The following PEX5L variants were observed in gnomAD, a reference collection of about 807,000 sequenced individuals.
PEX5L encodes peroxisomal biogenesis factor 5 like.
PEX5L carries 30 observed loss-of-function variants against 84.0 expected under a neutral mutation model. That is an observed-to-expected ratio of 0.36 (90% CI 0.27 to 0.48). The LOEUF (loss-of-function observed/expected upper bound fraction) is 0.48. PEX5L is among the 20% of genes least tolerant of loss of function. The pLI, the probability that PEX5L is intolerant of heterozygous loss-of-function variation, is 0.99. For synonymous variants in PEX5L, 270 were observed against 283.1 expected, an observed-to-expected ratio of 0.95 and a Z score of 0.46; for missense variants, 533 against 754.6, an observed-to-expected ratio of 0.71 and a Z score of 3.44.
At position 180,036,740 on chromosome 3, in the gene PEX5L, T is replaced by A; in HGVS notation, c.-141A>T. 1 of 868,522 alleles carries A rather than the reference T, an allele frequency of 1.2e-6. No individual in the cohort carries two copies. The highest frequency in any genetic ancestry group is 1.9e-6 in the Non-Finnish European group (1 of 522,116). The allele number at this position is 868,522 out of a possible 1,614,324, so 53.8% of individuals were successfully genotyped here. The stretch of plus-strand genomic sequence containing the variant: ...CTGAGCCCCCTGGAGCTCCGGGTAC[T>A]CGGCCGGCCGGCGGCCACTCGGCAG... On this transcript the variant is annotated 5_prime_UTR_variant, in exon 1 of 15. Transcript: ENST00000467460.
chr3:179,880,864 C>T (rs1405672758), intron 4 of PEX5L: 1 of 152,192 alleles, frequency 6.6e-6, no homozygotes, highest in Non-Finnish European at 1.5e-5. Context: ...GTTTTATAAC[C>T]TTAGCTTCTT....
intron 5 of PEX5L, among the ~76,000 whole-genome samples, chr3:179,876,710 A>G (rs972433968): frequency 6.6e-6 from 1 of 152,126 alleles, no homozygotes; most frequent in Non-Finnish European, 1.5e-5. Context: ...AACTCTACTC[A>G]TTAAACACGA....
chr3:179,908,446 C>G (rs1000865272), intron 2 of PEX5L, among the ~76,000 whole-genome samples: 2 of 152,138 alleles, frequency 1.3e-5, no homozygotes, highest in Non-Finnish European at 2.9e-5. Context: ...ACTCTTCTCT[C>G]TAAACTTCTG....
chr3:179,861,084 T>C (rs528749279), intron 7 of PEX5L, among the ~76,000 whole-genome samples: 7 of 152,372 alleles, frequency 4.6e-5, no homozygotes, highest in Admixed American at 2.6e-4. Context: ...TTTGCTTTAA[T>C]AAATGTGGAA....
chr3:179,961,682 T>C (rs1782079216), intron 2 of PEX5L, among the ~76,000 whole-genome samples: 1 of 152,232 alleles, frequency 6.6e-6, no homozygotes, highest in Admixed American at 6.5e-5. Context: ...TTTGTCATTT[T>C]TATTATAAGT....
chr3:179,900,476 T>C (rs1357364314), intron 2 of PEX5L, among the ~76,000 whole-genome samples: 3 of 152,118 alleles, frequency 2.0e-5, no homozygotes, highest in Non-Finnish European at 2.9e-5. Flanking sequence ...ATAAACTACA[T>C]AGAGATACTT....
At chr3:179,969,648 T>A (rs182246094) in intron 2 of PEX5L, among the ~76,000 whole-genome samples, 17 of 152,238 alleles carry the variant, frequency 1.1e-4, no homozygotes, top group Non-Finnish European at 2.1e-4. Context: ...GAAGGACTAC[T>A]CTTTCTGCCA....
chr3:179,996,614 A>C (rs1331513623), intron 1 of PEX5L, among the ~76,000 whole-genome samples: 1 of 152,156 alleles, frequency 6.6e-6, no homozygotes, highest in Non-Finnish European at 1.5e-5. Context: ...CCCTTGACCA[A>C]TGCCTTGTGA....
intron 1 of PEX5L, among the ~76,000 whole-genome samples, chr3:179,998,481 C>T (rs915931450): frequency 5.3e-5 from 8 of 152,162 alleles, no homozygotes; most frequent in Non-Finnish European, 1.0e-4. Flanking sequence ...TTCGGCAGAC[C>T]TCTATAGGTG....
chr3:179,849,692 G>T (rs778057420), intron 8 of PEX5L, among the ~76,000 whole-genome samples: 1 of 152,212 alleles, frequency 6.6e-6, no homozygotes, highest in Non-Finnish European at 1.5e-5. Context: ...CATGCCAATG[G>T]ACAAACAGAA....
intron 2 of PEX5L, among the ~76,000 whole-genome samples, chr3:179,950,527 A>G (rs978696336): frequency 6.6e-6 from 1 of 152,160 alleles, no homozygotes; most frequent in Non-Finnish European, 1.5e-5. Flanking sequence ...AAATTTAAAA[A>G]ATGTAAAAAA....
intron 2 of PEX5L, among the ~76,000 whole-genome samples, chr3:179,964,492 G>C (rs957207886): frequency 3.3e-5 from 5 of 152,102 alleles, no homozygotes; most frequent in Admixed American, 3.3e-4. Context: ...AAAAGAAACT[G>C]TCAACAGATT....
intron 3 of PEX5L, among the ~76,000 whole-genome samples, chr3:179,889,877 C>T (rs2108878787): frequency 6.6e-6 from 1 of 152,232 alleles, no homozygotes; most frequent in African/African-American, 2.4e-5. Flanking sequence ...ATTTGTAATA[C>T]TTTCTGGCAT....
At chr3:179,847,428 A>C (rs1486728360) in intron 8 of PEX5L, among the ~76,000 whole-genome samples, 1 of 152,164 alleles carries the variant, frequency 6.6e-6, no homozygotes, top group Non-Finnish European at 1.5e-5. Context: ...GGTTGCCCTC[A>C]TGGAAAAGGA....
At chr3:180,036,490 GGCA>G in intron 1 of PEX5L, 86 bp downstream of exon 1, 1 of 1,199,418 alleles carries the variant, frequency 8.3e-7, no homozygotes, top group Non-Finnish European at 1.2e-6. Flanking sequence ...GCTGTGCGAA[GGCA>G]GCACTTGACC....
intron 2 of PEX5L, among the ~76,000 whole-genome samples, chr3:179,920,793 T>C (rs973453739): frequency 6.6e-6 from 1 of 152,202 alleles, no homozygotes; most frequent in Non-Finnish European, 1.5e-5. Flanking sequence ...TCCTTGGCAC[T>C]TAATAAATGC....
chr3:180,013,269 C>T (rs954255918), intron 1 of PEX5L, among the ~76,000 whole-genome samples: 1 of 152,180 alleles, frequency 6.6e-6, no homozygotes, highest in African/African-American at 2.4e-5. Flanking sequence ...TATAAGTCTT[C>T]ATGTGTGTGC....
intron 8 of PEX5L, among the ~76,000 whole-genome samples, chr3:179,853,763 CCTCTT>C (rs1742848667): frequency 6.6e-6 from 1 of 151,626 alleles, no homozygotes; most frequent in Non-Finnish European, 1.5e-5. Context: ...TCTTCTTCCT[CCTCTT>C]CTTCTTCTTC....
At chr3:180,035,978 G>A (rs768974378) in intron 1 of PEX5L, among the ~76,000 whole-genome samples, 6 of 152,066 alleles carry the variant, frequency 3.9e-5, no homozygotes, top group Non-Finnish European at 7.4e-5. Flanking sequence ...AATAACAACC[G>A]GAGGCAGCAC....
Sources: gnomAD v4.1 joint callset for allele counts (sites outside exome capture counted in the v4.1 genomes callset) on GRCh38, gnomAD v4.1.1 for gene constraint, MANE v1.5 for transcripts, NCBI Gene and HGNC (gene_info 2026-07-23, HGNC 2026-07-21) for gene names.